Variants in KTN1 observed in about 807,000 individuals in gnomAD.
KTN1 encodes kinectin 1.
Under a neutral mutation model 222.5 loss-of-function variants are expected in KTN1, and 130 were observed. The ratio of observed to expected loss-of-function variants is 0.58; its 90% CI spans 0.51 to 0.68. The LOEUF is 0.68. Ranked by LOEUF, KTN1 falls within the 30% of genes least tolerant of loss-of-function variation. The pLI, the probability that KTN1 is intolerant of heterozygous loss-of-function variation, is 0.00. For missense variants in KTN1, 1,508 were observed against 1,500.4 expected, an observed-to-expected ratio of 1.01 and a Z score of -0.08; for synonymous variants, 512 against 496.3, an observed-to-expected ratio of 1.03 and a Z score of -0.42.
chr14:55,600,217 TAA>T (rs1241992182), intron 1 of KTN1, among the ~76,000 whole-genome samples: 3 of 151,642 alleles, frequency 2.0e-5, no homozygotes, highest in Non-Finnish European at 2.9e-5. Context: ...GTGATACACC[TAA>T]GAGTTATTTT....
chr14:55,593,796 G>A (rs1192723502), intron 1 of KTN1, among the ~76,000 whole-genome samples: 1 of 151,316 alleles, frequency 6.6e-6, no homozygotes, highest in Non-Finnish European at 1.5e-5. Flanking sequence ...CTCTGGATTT[G>A]CAGTGTCATT....
At chr14:55,658,910 G>A (rs2141199706) in intron 30 of KTN1, among the ~76,000 whole-genome samples, 3 of 152,094 alleles carry the variant, frequency 2.0e-5, no homozygotes, top group Middle Eastern at 3.4e-3. Flanking sequence ...GTAGAGGTTG[G>A]GTTAAAGATA....
chr14:55,638,768 A>G (rs2041427667), intron 12 of KTN1, among the ~76,000 whole-genome samples: 1 of 151,884 alleles, frequency 6.6e-6, no homozygotes, highest in African/African-American at 2.4e-5. Flanking sequence ...AGAATGCTGT[A>G]AGAATCTTTT....
chr14:55,623,281 A>G (rs1038777496), intron 5 of KTN1, among the ~76,000 whole-genome samples: 2 of 152,280 alleles, frequency 1.3e-5, no homozygotes, highest in African/African-American at 2.4e-5. Flanking sequence ...GATGCCAGCA[A>G]TGGCCCAGAG....
At chr14:55,593,396 T>G (rs1206403977) in intron 1 of KTN1, among the ~76,000 whole-genome samples, 1 of 149,586 alleles carries the variant, frequency 6.7e-6, no homozygotes, top group African/African-American at 2.5e-5. Flanking sequence ...CTCTGAAATT[T>G]AATCTTATTT....
intron 2 of KTN1, 75 bp from the exon 3 acceptor site, chr14:55,616,442 T>C: frequency 7.7e-7 from 1 of 1,305,996 alleles, no homozygotes; most frequent in Non-Finnish European, 1.1e-6. Flanking sequence ...ATTCTGGGAA[T>C]TACTCAGTGA....
chr14:55,607,280 A>G (rs1367713200), intron 1 of KTN1: 1 of 152,230 alleles, frequency 6.6e-6, no homozygotes, highest in Non-Finnish European at 1.5e-5. Context: ...TAGTATTTGT[A>G]ATACGTACTC....
rs1184337059 is a variant in KTN1 at position 55,630,163 on chromosome 14, T to G, written c.1221+66T>G. On this transcript the variant is annotated intron_variant, in intron 7 of 43. Coordinates refer to ENST00000395314, the MANE Select transcript of KTN1 (RefSeq NM_001079521.2). ...TTCACTTTATTAGCAAACTTTTAAG[T>G]GGCTAGTATGTACAAGGCCCTTTCT... is the stretch of plus-strand genomic sequence containing the variant. The G allele has an allele frequency of 7.2e-6, 10 of 1,383,058 alleles. No individual in the cohort carries two copies. In the Admixed American group the frequency reaches 1.7e-4, roughly 23 times the overall value. 85.7% of individuals were successfully genotyped at this position (1,383,058 alleles called of 1,614,324 possible).
chr14:55,679,419 G>T, intron 42 of KTN1, 146 bp from the exon 43 acceptor site: 1 of 663,724 alleles, frequency 1.5e-6, no homozygotes. Context: ...TTCTCTATGT[G>T]GTTTTTGTTA....
In KTN1 at chr14:55,631,750, C is replaced by T. The variant is rs114826168; in HGVS notation, c.1222-1485C>T. Among the ~76,000 whole-genome samples, 984 of 152,174 alleles carry T rather than the reference C, an allele frequency of 6.5e-3. 11 individuals carry two copies. Among genetic ancestry groups the T allele is most frequent in the African/African-American group, 0.022 (925 of 41,520 alleles). On this transcript the variant is annotated intron_variant, in intron 7 of 43. Coordinates refer to ENST00000395314, the MANE Select transcript of KTN1 (RefSeq NM_001079521.2). ...CATGATCACACTATTGCACTGCAGC[C>T]TGGGTGACAGGGTGAGACCCTGTCT...
intron 12 of KTN1, among the ~76,000 whole-genome samples, chr14:55,638,676 T>C (rs527851078): frequency 6.6e-6 from 1 of 151,934 alleles, no homozygotes. Flanking sequence ...TATATGTGAA[T>C]TACCAACTCA....
intron 2 of KTN1, among the ~76,000 whole-genome samples, chr14:55,614,240 T>A (rs748731167): frequency 2.0e-5 from 3 of 152,168 alleles, no homozygotes; most frequent in Non-Finnish European, 4.4e-5. Flanking sequence ...TATTTCTGTT[T>A]TAGAAAGATT....
chr14:55,677,351 C>A (rs1315526343), intron 41 of KTN1, among the ~76,000 whole-genome samples: 2 of 151,760 alleles, frequency 1.3e-5, no homozygotes, highest in East Asian at 3.9e-4. Context: ...GTGGTGCGCA[C>A]CTGCAGTCTC....
At chr14:55,643,098 C>A (rs1411772502) in intron 18 of KTN1, among the ~76,000 whole-genome samples, 2 of 151,970 alleles carry the variant, frequency 1.3e-5, no homozygotes, top group Non-Finnish European at 2.9e-5. Context: ...TTAGCAGAGA[C>A]GGGGTTTTGC....
At chr14:55,629,684 A>G (rs970743280) in intron 6 of KTN1, among the ~76,000 whole-genome samples, 2 of 152,238 alleles carry the variant, frequency 1.3e-5, no homozygotes, top group Non-Finnish European at 2.9e-5. Flanking sequence ...CTAGGTTCAT[A>G]GTCTTTAACT....
Position 55,675,926 on chromosome 14 carries a change from C to T in KTN1, c.3855+8C>T. ...GCTGGTGATTTGCATAAGGTAGGCA[C>T]TGTTCGTCCTAGAGATGTAGTATCA... is the stretch of plus-strand genomic sequence containing the variant. On this transcript the variant is annotated splice_region_variant and intron_variant, in intron 41 of 43. Coordinates refer to ENST00000395314, the MANE Select transcript of KTN1 (RefSeq NM_001079521.2). The T allele has an allele frequency of 1.3e-6, 2 of 1,595,494 alleles. No individual in the cohort carries two copies. The highest frequency in any genetic ancestry group is 8.6e-7 in the Non-Finnish European group (1 of 1,163,628).
intron 10 of KTN1, 47 bp from the exon 11 acceptor site, chr14:55,637,151 A>G: frequency 7.1e-7 from 1 of 1,413,154 alleles, no homozygotes; most frequent in African/African-American, 1.4e-5. Context: ...AGTATGAGTA[A>G]CTAGGCAAAG....
chr14:55,637,886 C>G, intron 12 of KTN1, 39 bp downstream of exon 12: 1 of 1,512,780 alleles, frequency 6.6e-7, no homozygotes, highest in Non-Finnish European at 9.1e-7. Flanking sequence ...TAATAACTTG[C>G]AGCCATTTAA....
At chr14:55,646,546 TTCTCTCTTTC>T (rs553391078) in intron 18 of KTN1, among the ~76,000 whole-genome samples, 3 of 146,920 alleles carry the variant, frequency 2.0e-5, no homozygotes, top group Non-Finnish European at 3.0e-5. Context: ...TTTCCTTTCC[TTCTCTCTTTC>T]TCTCTCTTTC....
Sources: gnomAD v4.1 joint callset for allele counts (sites outside exome capture counted in the v4.1 genomes callset) on GRCh38, gnomAD v4.1.1 for gene constraint, MANE v1.5 for transcripts, NCBI Gene and HGNC (gene_info 2026-07-23, HGNC 2026-07-21) for gene names.